The following DTNB variants were observed in gnomAD, a reference collection of about 807,000 sequenced individuals.
DTNB encodes the protein DTN-B.
A neutral mutation model predicts 90.7 loss-of-function variants in DTNB; 63 were observed. The observed-to-expected ratio is 0.69, with a 90% CI of 0.57 to 0.86. The LOEUF (loss-of-function observed/expected upper bound fraction) is 0.86. Ranked by LOEUF, DTNB falls within the 40% of genes least tolerant of loss-of-function variation. The probability of loss-of-function intolerance (pLI) is 0.00; values close to 1 mark genes in which losing one functional copy is unlikely to be tolerated. For synonymous variants in DTNB, 277 were observed against 286.7 expected (o/e 0.97, Z 0.34); for missense variants, 744 against 807.1 (o/e 0.92, Z 0.95).
chr2:25,530,650 T>C (rs1029503583), intron 9 of DTNB, among the ~76,000 whole-genome samples: 7 of 152,118 alleles, frequency 4.6e-5, no homozygotes, highest in Admixed American at 4.6e-4. Context: ...TAAACAGGTA[T>C]CTAAATAATT....
intron 4 of DTNB, among the ~76,000 whole-genome samples, chr2:25,616,630 T>TAAAAAAAAAAAAAAAAAAAAAAAAAAAA (rs58950790): frequency 1.1e-4 from 13 of 117,666 alleles, no homozygotes; most frequent in African/African-American, 3.8e-4. Flanking sequence ...CTATTTATAG[T>TAAAAAAAAAAAAAAAAAAAAAAAAAAAA]AAAAAAAAAA....
intron 9 of DTNB, among the ~76,000 whole-genome samples, chr2:25,513,566 C>CA (rs977214171): frequency 2.0e-5 from 3 of 151,614 alleles, no homozygotes; most frequent in Non-Finnish European, 4.4e-5. Flanking sequence ...ACTAAAAATA[C>CA]AAAAAAATTA....
intron 6 of DTNB, among the ~76,000 whole-genome samples, chr2:25,590,313 G>C (rs1459881843): frequency 6.6e-6 from 1 of 152,180 alleles, no homozygotes; most frequent in Non-Finnish European, 1.5e-5. Flanking sequence ...TGGGTCCCGA[G>C]TTCCTGTCCC....
intron 3 of DTNB, among the ~76,000 whole-genome samples, chr2:25,634,014 G>A (rs1236096267): frequency 4.0e-5 from 6 of 151,842 alleles, no homozygotes; most frequent in South Asian, 2.1e-4. Flanking sequence ...CCCTCCGCCC[G>A]GCAGCCACCC....
intron 9 of DTNB, among the ~76,000 whole-genome samples, chr2:25,505,563 T>A (rs1418734634): frequency 1.3e-5 from 2 of 152,194 alleles, no homozygotes; most frequent in African/African-American, 2.4e-5. Context: ...AAGGTTTACA[T>A]GGTTGAGTTA....
chr2:25,650,955 C>A (rs35888846), intron 2 of DTNB, among the ~76,000 whole-genome samples: 1 of 150,702 alleles, frequency 6.6e-6, no homozygotes, highest in Non-Finnish European at 1.5e-5. Context: ...AGTGAGACTC[C>A]CTCTCAAAAA....
At position 25,553,121 on chromosome 2, in the gene DTNB, G is replaced by A. The variant is rs139734273; in HGVS notation, c.877-21524C>T. ...ATGATCCACCCGCCTCGGCCTCCCA[G>A]TTGATATTTTTTTAAGAGATGGGAT... On this transcript the variant is annotated intron_variant, in intron 8 of 20. Coordinates refer to ENST00000406818, the MANE Select transcript of DTNB (RefSeq NM_021907.5). 4.3e-3 allele frequency among the ~76,000 whole-genome samples: 646 copies of A among 151,878 alleles called. 4 individuals carry two copies. Among genetic ancestry groups the A allele is most frequent in the African/African-American group, 0.015 (605 of 41,434 alleles).
chr2:25,628,083 C>A, intron 4 of DTNB, 88 bp downstream of exon 4: 1 of 1,423,314 alleles, frequency 7.0e-7, no homozygotes. Context: ...CTTAGCAAGG[C>A]AACTTAGCAC....
At chr2:25,672,506 T>C (rs147580681) in intron 1 of DTNB, among the ~76,000 whole-genome samples, 79 of 152,324 alleles carry the variant, frequency 5.2e-4, no homozygotes, top group Non-Finnish European at 9.0e-4. Context: ...CCTTTAAATG[T>C]TACCCGTAGG....
chr2:25,444,795 A>C (rs548525945), intron 12 of DTNB, among the ~76,000 whole-genome samples: 2 of 152,224 alleles, frequency 1.3e-5, no homozygotes, highest in South Asian at 4.1e-4. Context: ...GTTATAAATA[A>C]ATTCTTTCGA....
At chr2:25,592,888 T>C (rs1335751646) in intron 6 of DTNB, among the ~76,000 whole-genome samples, 1 of 152,226 alleles carries the variant, frequency 6.6e-6, no homozygotes, top group Non-Finnish European at 1.5e-5. Flanking sequence ...CTGGTATCAC[T>C]GTCGGATGGT....
intron 6 of DTNB, among the ~76,000 whole-genome samples, chr2:25,583,824 GT>G (rs893131446): frequency 2.7e-4 from 40 of 145,896 alleles, no homozygotes; most frequent in African/African-American, 3.5e-4. Context: ...CAATCATGGA[GT>G]TTTTTTTTTT....
At chr2:25,378,986 C>T (rs916130231) in intron 20 of DTNB, among the ~76,000 whole-genome samples, 7 of 152,186 alleles carry the variant, frequency 4.6e-5, no homozygotes, top group African/African-American at 1.7e-4. Context: ...TGGCCTTGCT[C>T]AGCACACCCT....
intron 19 of DTNB, 195 bp downstream of exon 19, chr2:25,383,641 T>C (rs1313663557): frequency 1.7e-6 from 2 of 1,175,992 alleles, no homozygotes; most frequent in Non-Finnish European, 2.3e-6. Flanking sequence ...GAGGAAGCTC[T>C]TGGTGATCGA....
chr2:25,583,502 T>G (rs191108914), intron 6 of DTNB, among the ~76,000 whole-genome samples: 3 of 151,416 alleles, frequency 2.0e-5, no homozygotes, highest in Non-Finnish European at 4.4e-5. Flanking sequence ...TACCATGGAG[T>G]TTTTGTGTTT....
chr2:25,651,730 T>C (rs2080979141), intron 2 of DTNB, among the ~76,000 whole-genome samples: 1 of 152,182 alleles, frequency 6.6e-6, no homozygotes. Flanking sequence ...TTTTACCCAC[T>C]GATTTTCATA....
At chr2:25,465,588 C>A (rs1035400083) in intron 10 of DTNB, among the ~76,000 whole-genome samples, 3 of 152,178 alleles carry the variant, frequency 2.0e-5, no homozygotes, top group Non-Finnish European at 2.9e-5. Flanking sequence ...CTGCTCACCG[C>A]GCTTCAGCCG....
intron 10 of DTNB, among the ~76,000 whole-genome samples, chr2:25,471,295 C>G (rs2062756335): frequency 6.6e-6 from 1 of 152,166 alleles, no homozygotes; most frequent in Non-Finnish European, 1.5e-5. Context: ...TGCTTATCTA[C>G]CCAGCGGGGT....
chr2:25,411,310 G>A lies in DTNB; in HGVS notation c.1575+8205C>T, dbSNP rs1267881933. On this transcript the variant is annotated intron_variant, in intron 16 of 20. Transcript: ENST00000406818. ...GGATGCAGAGGTTGCAGTGAGCTGA[G>A]ATCATGCCATTGTACTCCAGACTAG... 2.6e-5 allele frequency among the ~76,000 whole-genome samples: 4 copies of A among 151,164 alleles called. 1 individual carries two copies. In the South Asian group the frequency reaches 6.3e-4, roughly 24 times the overall value.
Sources: gnomAD v4.1 joint callset for allele counts (sites outside exome capture counted in the v4.1 genomes callset) on GRCh38, gnomAD v4.1.1 for gene constraint, MANE v1.5 for transcripts, NCBI Gene and HGNC (gene_info 2026-07-23, HGNC 2026-07-21) for gene names.